UGT1A7: variants seen among roughly 807,000 people sequenced by gnomAD.
The protein encoded by UGT1A7 is UDP glucuronosyltransferase family 1 member A7.
Under a neutral mutation model 45.6 loss-of-function variants are expected in UGT1A7, and 33 were observed. The observed-to-expected ratio is 0.72, with a 90% CI of 0.55 to 0.97. The LOEUF is 0.97. Among genes scored for constraint, UGT1A7 ranks in the 50% least tolerant of loss-of-function variants. The pLI is 0.00. For synonymous variants in UGT1A7, 274 were observed against 250.6 expected (o/e 1.09, Z -0.88); for missense variants, 684 against 666.2 (o/e 1.03, Z -0.29).
chr2:233,753,792 G>A (rs1695310266), intron 1 of UGT1A7: 1 of 152,134 alleles, frequency 6.6e-6, no homozygotes, highest in African/African-American at 2.4e-5. Context: ...ACATTTCCAG[G>A]ACCTACCATA....
chr2:233,725,031 A>T (rs1445155705), intron 1 of UGT1A7, among the ~76,000 whole-genome samples: 4 of 148,206 alleles, frequency 2.7e-5, no homozygotes, highest in Admixed American at 1.3e-4. Context: ...CCCGGTCTCC[A>T]CCAAAACCAG....
chr2:233,717,701 A>G (rs1201448536), intron 1 of UGT1A7: 4 of 447,022 alleles, frequency 8.9e-6, no homozygotes, highest in Non-Finnish European at 1.8e-5. Context: ...TTTCTGGAGC[A>G]GGACGAGCCT....
intron 1 of UGT1A7, among the ~76,000 whole-genome samples, chr2:233,698,666 C>G (rs112614617): frequency 3.3e-5 from 5 of 152,142 alleles, no homozygotes; most frequent in Admixed American, 3.3e-4. Context: ...TAACTATTGG[C>G]CCAACTATAA....
In UGT1A7 at chr2:233,682,311, G is replaced by A. The variant is rs770311542; in HGVS notation, c.374G>A (p.Arg125Lys). Residue 125 changes from arginine to lysine, a missense_variant, in exon 1 of 5, where the codon AGG becomes AAG. By Grantham distance (26) the Arg-to-Lys change is conservative. Coordinates refer to ENST00000373426, the MANE Select transcript of UGT1A7 (RefSeq NM_019077.3). ...GIFDLFFSNC[R>K]SLFNDRKLVE... ...TTTGACTTATTTTTTTCAAATTGCAGGAGTTTGTTTAATGACCGAAAATTA... is the reference window on the plus strand; with the variant it reads ...TTTGACTTATTTTTTTCAAATTGCAAGAGTTTGTTTAATGACCGAAAATTA... The A allele has an allele frequency of 1.2e-6, 2 of 1,613,908 alleles. No homozygotes were observed. The highest frequency in any genetic ancestry group is 2.2e-5 in the East Asian group (1 of 44,904).
At chr2:233,749,493 CT>C (rs951030576) in intron 1 of UGT1A7, among the ~76,000 whole-genome samples, 1 of 151,760 alleles carries the variant, frequency 6.6e-6, no homozygotes, top group Non-Finnish European at 1.5e-5. Context: ...TGCTATGCCC[CT>C]TAGAGAATTA....
At position 233,713,263 on chromosome 2, in the gene UGT1A7, G is replaced by A. The variant is rs146477190; in HGVS notation, c.855+30471G>A. On this transcript the variant is annotated intron_variant, in intron 1 of 4. Transcript: ENST00000373426. ...TCATGGACCCAGGACGAATTTGATC[G>A]CCTTTTGCTGGGTCACACTCAATCG... 2.3e-4 allele frequency: 375 copies of A among 1,614,196 alleles called. 3 individuals are homozygous for A. The highest frequency in any genetic ancestry group is 2.3e-3 in the Middle Eastern group (14 of 6,062).
At chr2:233,713,026 T>G in intron 1 of UGT1A7, 1 of 1,613,848 alleles carries the variant, frequency 6.2e-7, no homozygotes, top group Non-Finnish European at 8.5e-7. Context: ...CTGCCGCAGC[T>G]GGCCACAGGA....
intron 1 of UGT1A7, chr2:233,743,825 T>G: frequency 7.3e-7 from 1 of 1,367,228 alleles, no homozygotes; most frequent in South Asian, 1.1e-5. Flanking sequence ...TTTGTCGGGG[T>G]GCCACTTGAG....
intron 1 of UGT1A7, among the ~76,000 whole-genome samples, chr2:233,748,751 T>C (rs1228762220): frequency 1.3e-5 from 2 of 151,458 alleles, no homozygotes; most frequent in Admixed American, 6.6e-5. Flanking sequence ...TCGGAAGGCA[T>C]AGTTTTGGTT....
intron 1 of UGT1A7, among the ~76,000 whole-genome samples, chr2:233,753,010 T>G (rs1329149459): frequency 6.6e-6 from 1 of 151,864 alleles, no homozygotes; most frequent in Admixed American, 6.6e-5. Context: ...CTACCCAGAG[T>G]GGTGATTTAC....
chr2:233,730,285 A>G (rs2078010398), intron 1 of UGT1A7, among the ~76,000 whole-genome samples: 1 of 152,170 alleles, frequency 6.6e-6, no homozygotes, highest in Admixed American at 6.5e-5. Context: ...CACCATCTTC[A>G]TGGTTGTGCA....
chr2:233,750,128 G>T (rs1357269719), intron 1 of UGT1A7, among the ~76,000 whole-genome samples: 9 of 151,932 alleles, frequency 5.9e-5, no homozygotes, highest in African/African-American at 1.7e-4. Context: ...ATGTGGGAAA[G>T]TTTGGAACTT....
chr2:233,729,866 A>G (rs1305518931), intron 1 of UGT1A7: 3 of 1,613,610 alleles, frequency 1.9e-6, no homozygotes, highest in South Asian at 2.2e-5. Context: ...TCAGTGGTGG[A>G]TATTCTCAGT....
At chr2:233,747,330 C>T (rs896598113) in intron 1 of UGT1A7, 17 of 1,603,408 alleles carry the variant, frequency 1.1e-5, no homozygotes, top group Non-Finnish European at 1.2e-5. Flanking sequence ...TTGATGGCAG[C>T]CACTGGCTCG....
Position 233,682,723 on chromosome 2 carries a change from C to T in UGT1A7, c.786C>T (p.Pro262=), listed in dbSNP as rs574635483. 2.7e-5 allele frequency: 44 copies of T among 1,613,866 alleles called. No homozygotes were observed. The South Asian group carries it at 4.3e-4, about 16-fold the overall frequency. Residue 262 remains proline, a synonymous_variant, in exon 1 of 5, where the codon CCC becomes CCT. Coordinates refer to ENST00000373426, the MANE Select transcript of UGT1A7 (RefSeq NM_019077.3). ...LLRTDFVLEY[P]KPVMPNMIFI... ...GAACTGACTTTGTTTTGGAGTATCC[C>T]AAACCCGTGATGCCCAATATGATCT...
At chr2:233,693,959 G>T (rs1050258213) in intron 1 of UGT1A7, 2 of 1,582,394 alleles carry the variant, frequency 1.3e-6, no homozygotes, top group African/African-American at 2.7e-5. Context: ...TCCCTTGGAG[G>T]ATTTCCTGGA....
At chr2:233,735,872 G>C (rs1314533195) in intron 1 of UGT1A7, among the ~76,000 whole-genome samples, 1 of 152,196 alleles carries the variant, frequency 6.6e-6, no homozygotes, top group Non-Finnish European at 1.5e-5. Context: ...TTTCTGCAGA[G>C]AGATCTGCTG....
Position 233,756,787 on chromosome 2 carries a change from G to A in UGT1A7, c.856-10247G>A, listed in dbSNP as rs1029492896. Among the ~76,000 whole-genome samples the A allele has an allele frequency of 9.9e-5, 15 of 151,900 alleles. No individual in the cohort carries two copies. The East Asian group carries it at 1.2e-3, about 12-fold the overall frequency. On this transcript the variant is annotated intron_variant, in intron 1 of 4. Coordinates refer to ENST00000373426, the MANE Select transcript of UGT1A7 (RefSeq NM_019077.3). ...GGATTCTTTGCTTTGATAAATTGTG[G>A]GGCAATACACTAGTAAAGGTCACTC... is the stretch of plus-strand genomic sequence containing the variant.
chr2:233,766,614 C>T (rs1699203096), intron 1 of UGT1A7, among the ~76,000 whole-genome samples: 1 of 152,184 alleles, frequency 6.6e-6, no homozygotes, highest in Non-Finnish European at 1.5e-5. Context: ...CCCTCTTCTA[C>T]CCAGCACTTC....
Sources: allele counts gnomAD v4.1 joint callset (sites outside exome capture counted in the v4.1 genomes callset), GRCh38; gene constraint gnomAD v4.1.1; transcripts MANE v1.5; gene names NCBI Gene and HGNC (gene_info 2026-07-23, HGNC 2026-07-21).